MCM3AP: variants seen among roughly 807,000 people sequenced by gnomAD.
The protein encoded by MCM3AP is germinal-center associated nuclear protein.
In MCM3AP, 126 loss-of-function variants were observed where a neutral mutation model predicts 184.1. The observed-to-expected ratio is 0.68, with a 90% confidence interval of 0.59 to 0.79. MCM3AP has a LOEUF of 0.79. MCM3AP is among the 30% of genes least tolerant of loss of function. The pLI is 0.00. For missense variants in MCM3AP, 2,496 were observed against 2,479.2 expected (o/e 1.01, Z -0.14); for synonymous variants, 1,002 against 979.3 (o/e 1.02, Z -0.43).
At chr21:46,262,275 G>C (rs1421575514) in intron 13 of MCM3AP, among the ~76,000 whole-genome samples, 1 of 152,190 alleles carries the variant, frequency 6.6e-6, no homozygotes, top group East Asian at 1.9e-4. Flanking sequence ...AAAAACTGAA[G>C]AGGAGGGAAT....
At chr21:46,270,080 A>C (rs1001455429) in intron 9 of MCM3AP, among the ~76,000 whole-genome samples, 1 of 152,218 alleles carries the variant, frequency 6.6e-6, no homozygotes, top group East Asian at 1.9e-4. Context: ...GATTTTGTGC[A>C]TATGATATGA....
rs1205048735 is a variant in MCM3AP, at chr21:46,265,375, C to G, written c.3180G>C (p.Leu1060=). The G allele has an allele frequency of 1.9e-6, 3 of 1,614,064 alleles. No individual in the cohort carries two copies. Among genetic ancestry groups the G allele is most frequent in the Middle Eastern group, 1.6e-4 (1 of 6,062 alleles). The part of the protein sequence containing the change: ...TPSVAPSLFQ[L]SVQPEPPPPE... ...GAGGCGGTGGTTCAGGCTGCACAGACAGCTGGAAGAGGCTGGGCGCCACAG... is the reference window on the plus strand; with the variant it reads ...GAGGCGGTGGTTCAGGCTGCACAGAGAGCTGGAAGAGGCTGGGCGCCACAG... Residue 1060 remains leucine (L), a synonymous_variant, in exon 12 of 28, where the codon CTG becomes CTC. Coordinates refer to ENST00000291688, the MANE Select transcript of MCM3AP (RefSeq NM_003906.5).
In MCM3AP at chr21:46,281,428, T is replaced by C. The variant is rs538530438; in HGVS notation, c.1444-853A>G. 2.0e-5 allele frequency among the ~76,000 whole-genome samples: 3 copies of C among 152,358 alleles called. No individual in the cohort carries two copies. In the East Asian group the frequency reaches 5.8e-4, roughly 29 times the overall value. Reference sequence around the variant, plus strand: ...TTCAGTTTTGTCTGTATCAATGAATTGTTTATAAAGGCAGTCTATTTACAT... The same window carrying C: ...TTCAGTTTTGTCTGTATCAATGAATCGTTTATAAAGGCAGTCTATTTACAT... On this transcript the variant is annotated intron_variant, in intron 2 of 27. Transcript: ENST00000291688.
chr21:46,243,787 A>G (rs1445944669), intron 23 of MCM3AP, 65 bp from the exon 24 acceptor site: 1 of 1,534,992 alleles, frequency 6.5e-7, no homozygotes, highest in Non-Finnish European at 8.8e-7. Context: ...GTACATGAAA[A>G]CATTTTCTCA....
chr21:46,271,164 ATTT>A (rs889506309), intron 8 of MCM3AP, among the ~76,000 whole-genome samples: 4 of 145,468 alleles, frequency 2.7e-5, no homozygotes, highest in Non-Finnish European at 6.1e-5. Context: ...AACCAGTTTA[ATTT>A]TTTTTTTTTT....
At chr21:46,251,422 CA>C (rs2080866420) in intron 20 of MCM3AP, 106 bp downstream of exon 20, 2 of 951,640 alleles carry the variant, frequency 2.1e-6, no homozygotes, top group African/African-American at 3.3e-5. Flanking sequence ...CCCAGTCTTT[CA>C]AAACCACATT....
Position 46,285,368 on chromosome 21 carries a change from G to A in MCM3AP, c.-82C>T, listed in dbSNP as rs2145733211. 1.1e-6 allele frequency: 1 copy of A among 871,842 alleles called. No homozygotes were observed. Among genetic ancestry groups the A allele is most frequent in the South Asian group, 1.6e-5 (1 of 63,454 alleles). The allele number at this position is 871,842 out of a possible 1,614,324, so 54.0% of individuals were successfully genotyped here. ...TTCCTGAAACAGCCTGTAGCACTAG[G>A]GAGTTCCCCTTCGTCTTTAGAACAA... On this transcript the variant is annotated 5_prime_UTR_variant, in exon 1 of 28. Transcript: ENST00000291688.
At chr21:46,246,930 G>A (rs200286327) in intron 20 of MCM3AP, 44 bp from the exon 21 acceptor site, 168 of 1,593,326 alleles carry the variant, frequency 1.1e-4, no homozygotes, top group Non-Finnish European at 1.3e-4. Context: ...ACCATGGGAC[G>A]CATCAGCAGT....
intron 6 of MCM3AP, among the ~76,000 whole-genome samples, chr21:46,274,871 TGAG>T (rs2081234847): frequency 1.4e-5 from 2 of 144,282 alleles, no homozygotes; most frequent in South Asian, 4.3e-4. Context: ...CCTGGGAAGT[TGAG>T]GCTGTAGTGA....
chr21:46,283,966 G>A, intron 1 of MCM3AP, 102 bp downstream of exon 1: 3 of 1,541,574 alleles, frequency 1.9e-6, no homozygotes, highest in Admixed American at 2.0e-5. Context: ...AATCCCTAAT[G>A]TTTATGGGAG....
intron 25 of MCM3AP, chr21:46,242,564 G>T: frequency 3.2e-6 from 1 of 312,522 alleles, no homozygotes. Flanking sequence ...TGAAATGTCA[G>T]CTGTACTCTC....
At chr21:46,281,650 C>T (rs573115654) in intron 2 of MCM3AP, among the ~76,000 whole-genome samples, 35 of 151,702 alleles carry the variant, frequency 2.3e-4, no homozygotes, top group Non-Finnish European at 4.0e-4. Context: ...AGTGAAACTT[C>T]ATCTCAAAAA....
At chr21:46,280,682 G>A in intron 2 of MCM3AP, 107 bp from the exon 3 acceptor site, 1 of 736,206 alleles carries the variant, frequency 1.4e-6, no homozygotes, top group Non-Finnish European at 2.4e-6. Context: ...AAAGGCACCA[G>A]GAGCTCCTGT....
At chr21:46,246,514 G>A in intron 21 of MCM3AP, 110 bp from the exon 22 acceptor site, 1 of 1,446,088 alleles carries the variant, frequency 6.9e-7, no homozygotes, top group Non-Finnish European at 9.7e-7. Context: ...GTCACCACAG[G>A]GGTTGCTGTC....
intron 27 of MCM3AP, among the ~76,000 whole-genome samples, chr21:46,235,705 G>A (rs369373208): frequency 6.6e-6 from 1 of 152,054 alleles, no homozygotes; most frequent in Non-Finnish European, 1.5e-5. Context: ...TGGTATGATC[G>A]GAGCTTACTG....
intron 3 of MCM3AP, 125 bp from the exon 4 acceptor site, chr21:46,280,262 A>G: frequency 8.9e-7 from 1 of 1,124,698 alleles, no homozygotes; most frequent in Non-Finnish European, 1.3e-6. Flanking sequence ...GAAGAGCCCA[A>G]GGAAATAACT....
At position 46,275,346 on chromosome 21, in the gene MCM3AP, G is replaced by C. The variant is rs138237401; in HGVS notation, c.1859-21C>G. 6.9e-3 allele frequency: 11,125 copies of C among 1,605,994 alleles called. 52 individuals are homozygous for C. The highest frequency in any genetic ancestry group is 8.3e-3 in the Middle Eastern group (50 of 6,014). On this transcript the variant is annotated intron_variant, in intron 5 of 27. Transcript: ENST00000291688. ...CCGAGCTAAATGACGTCAAGTAAAA[G>C]GTAAGAATGTACCACATGGTTAGCA...
chr21:46,265,391 G>A lies in MCM3AP; in HGVS notation c.3164C>T (p.Pro1055Leu). The A allele has an allele frequency of 3.1e-6, 5 of 1,614,082 alleles. No individual in the cohort carries two copies. Among genetic ancestry groups the A allele is most frequent in the Non-Finnish European group, 4.2e-6 (5 of 1,180,030 alleles). The change falls in exon 12 of 28, where the codon CCC (proline) becomes CTC (leucine). Residue 1055 changes from proline (P) to leucine (L), a missense_variant. Physicochemically the swap from Pro to Leu is moderately conservative, Grantham distance 98. Coordinates refer to ENST00000291688, the MANE Select transcript of MCM3AP (RefSeq NM_003906.5). ...CTGCACAGACAGCTGGAAGAGGCTGGGCGCCACAGACGGGGTCAGTGCCAG... is the reference window on the plus strand; with the variant it reads ...CTGCACAGACAGCTGGAAGAGGCTGAGCGCCACAGACGGGGTCAGTGCCAG... Reference protein sequence around the residue: ...PVLALTPSVAPSLFQLSVQPE... With the variant: ...PVLALTPSVALSLFQLSVQPE...
chr21:46,272,331 A>G (rs1007646321), intron 8 of MCM3AP, among the ~76,000 whole-genome samples: 1 of 152,158 alleles, frequency 6.6e-6, no homozygotes, highest in African/African-American at 2.4e-5. Flanking sequence ...AGAAATGAAC[A>G]TGTGGGGCCT....
Sources: allele counts gnomAD v4.1 joint callset (sites outside exome capture counted in the v4.1 genomes callset), GRCh38; gene constraint gnomAD v4.1.1; transcripts MANE v1.5; gene names NCBI Gene and HGNC (gene_info 2026-07-23, HGNC 2026-07-21).